The following IQCM variants were observed in gnomAD, a reference collection of about 807,000 sequenced individuals.
IQCM encodes the protein IQ domain-containing protein M.
A neutral mutation model predicts 57.6 loss-of-function variants in IQCM; 45 were observed. The observed-to-expected ratio is 0.78, with a 90% CI of 0.62 to 1.00. The LOEUF is 1.00. Ranked by LOEUF, IQCM falls within the 50% of genes least tolerant of loss-of-function variation. The pLI is 0.00. For synonymous variants in IQCM, 148 were observed against 158.9 expected (o/e 0.93, Z 0.51); for missense variants, 468 against 511.6 (o/e 0.91, Z 0.82).
intron 12 of IQCM, among the ~76,000 whole-genome samples, chr4:149,475,998 A>T (rs1740143194): frequency 6.6e-6 from 1 of 152,190 alleles, no homozygotes; most frequent in African/African-American, 2.4e-5. Flanking sequence ...GTGGCAGATG[A>T]CAGAGGTGAA....
chr4:149,377,214 T>C (rs1730761372), intron 13 of IQCM, among the ~76,000 whole-genome samples: 1 of 152,190 alleles, frequency 6.6e-6, no homozygotes, highest in South Asian at 2.1e-4. Flanking sequence ...ATTAACATTC[T>C]GAAAAAAAAT....
At chr4:149,736,167 C>T (rs1228390332) in intron 3 of IQCM, among the ~76,000 whole-genome samples, 2 of 150,436 alleles carry the variant, frequency 1.3e-5, no homozygotes, top group African/African-American at 2.5e-5. Context: ...AGGCTGGTCT[C>T]GAACTCCAGG....
chr4:149,776,781 C>T (rs1359360553), intron 2 of IQCM, among the ~76,000 whole-genome samples: 1 of 151,672 alleles, frequency 6.6e-6, no homozygotes, highest in Non-Finnish European at 1.5e-5. Flanking sequence ...TGAAGAATGG[C>T]TAAGAAGACA....
chr4:149,760,023 G>GA (rs1554036721), intron 2 of IQCM, among the ~76,000 whole-genome samples: 5 of 150,672 alleles, frequency 3.3e-5, no homozygotes, highest in Admixed American at 6.6e-5. Flanking sequence ...AGGAAGGAAG[G>GA]AAGGGAAGGG....
At chr4:149,655,014 GT>G (rs1485764800) in intron 7 of IQCM, among the ~76,000 whole-genome samples, 1 of 152,092 alleles carries the variant, frequency 6.6e-6, no homozygotes, top group East Asian at 1.9e-4. Context: ...AAAATTTTAA[GT>G]TATAAGTGTG....
At chr4:149,414,070 C>A (rs1261757541) in intron 13 of IQCM, among the ~76,000 whole-genome samples, 1 of 152,060 alleles carries the variant, frequency 6.6e-6, no homozygotes, top group Non-Finnish European at 1.5e-5. Flanking sequence ...TTAAAATGCA[C>A]ATTTTTGAAA....
At chr4:149,726,080 A>T (rs542766862) in intron 5 of IQCM, among the ~76,000 whole-genome samples, 52 of 102,296 alleles carry the variant, frequency 5.1e-4, no homozygotes, top group African/African-American at 1.6e-3. Context: ...TAAAAGAAAG[A>T]AAGAAAGAAA....
chr4:149,497,744 C>CT (rs139507535), intron 12 of IQCM, among the ~76,000 whole-genome samples: 2 of 141,774 alleles, frequency 1.4e-5, no homozygotes. Flanking sequence ...TTGTATTTCA[C>CT]TTTAAAAAAA....
intron 11 of IQCM, among the ~76,000 whole-genome samples, chr4:149,552,734 G>C (rs1366156645): frequency 1.3e-5 from 2 of 152,104 alleles, no homozygotes; most frequent in Non-Finnish European, 2.9e-5. Flanking sequence ...ATCAGTTGCT[G>C]TCTCCCTGGA....
intron 7 of IQCM, among the ~76,000 whole-genome samples, chr4:149,662,576 A>G (rs1760321418): frequency 6.6e-6 from 1 of 151,976 alleles, no homozygotes; most frequent in Non-Finnish European, 1.5e-5. Context: ...ATATTTATAT[A>G]TTTAGGAGCT....
chr4:149,603,237 T>C (rs972848628), intron 8 of IQCM, among the ~76,000 whole-genome samples: 16 of 152,144 alleles, frequency 1.1e-4, no homozygotes, highest in African/African-American at 3.6e-4. Context: ...TTCTTCAAAA[T>C]ATAAGTATTG....
At chr4:149,403,994 C>A (rs1344165260) in intron 13 of IQCM, among the ~76,000 whole-genome samples, 3 of 151,924 alleles carry the variant, frequency 2.0e-5, no homozygotes, top group African/African-American at 7.2e-5. Flanking sequence ...ATAAATATTT[C>A]TTTAATTATC....
intron 2 of IQCM, among the ~76,000 whole-genome samples, chr4:149,798,919 G>A (rs1401449611): frequency 6.6e-6 from 1 of 151,904 alleles, no homozygotes; most frequent in African/African-American, 2.4e-5. Context: ...GCATTGGACA[G>A]ACTATCCACA....
intron 12 of IQCM, among the ~76,000 whole-genome samples, chr4:149,498,921 A>C (rs1043182157): frequency 1.3e-5 from 2 of 152,200 alleles, no homozygotes; most frequent in Admixed American, 1.3e-4. Flanking sequence ...TAAAAAAGTT[A>C]GATATTTGTC....
chr4:149,627,355 C>T (rs1268295401), intron 7 of IQCM, among the ~76,000 whole-genome samples: 3 of 152,044 alleles, frequency 2.0e-5, no homozygotes, highest in Admixed American at 2.0e-4. Flanking sequence ...TTTCTCAGGG[C>T]TGAGAAAAAT....
At chr4:149,650,329 CAAGG>C (rs1327485938) in intron 7 of IQCM, among the ~76,000 whole-genome samples, 1 of 151,820 alleles carries the variant, frequency 6.6e-6, no homozygotes, top group African/African-American at 2.4e-5. Context: ...CTAAAAAACA[CAAGG>C]AAGATTGCTT....
At chr4:149,439,115 G>A (rs1003594987) in intron 12 of IQCM, among the ~76,000 whole-genome samples, 2 of 151,984 alleles carry the variant, frequency 1.3e-5, no homozygotes, top group African/African-American at 4.8e-5. Context: ...AATGTTAAAT[G>A]TATGAAAATT....
chr4:149,424,457 T>G lies in IQCM; in HGVS notation c.1390+8939A>C, dbSNP rs143313627. ...AATAATATTTTTAAGTCTCAAACTTTTATTACATTAAAAAATAAATGTGCA... is the reference window on the plus strand; with the variant it reads ...AATAATATTTTTAAGTCTCAAACTTGTATTACATTAAAAAATAAATGTGCA... On this transcript the variant is annotated intron_variant, in intron 13 of 13. Coordinates refer to ENST00000636793, the MANE Select transcript of IQCM (RefSeq NM_001363507.2). Among the ~76,000 whole-genome samples the G allele has an allele frequency of 2.0e-3, 303 of 151,910 alleles. 2 individuals carry two copies. Among genetic ancestry groups the G allele is most frequent in the Middle Eastern group, 0.014 (4 of 278 alleles).
chr4:149,764,222 CT>C (rs1580236004), intron 2 of IQCM, among the ~76,000 whole-genome samples: 1 of 152,106 alleles, frequency 6.6e-6, no homozygotes, highest in Non-Finnish European at 1.5e-5. Flanking sequence ...GAGAGAATCT[CT>C]TTGGAATTTC....
Sources: gnomAD v4.1 joint callset for allele counts (sites outside exome capture counted in the v4.1 genomes callset) on GRCh38, gnomAD v4.1.1 for gene constraint, MANE v1.5 for transcripts, NCBI Gene and HGNC (gene_info 2026-07-23, HGNC 2026-07-21) for gene names.